SNTG1: variants seen among roughly 807,000 people sequenced by gnomAD.
SNTG1 encodes the protein gamma-1-syntrophin.
SNTG1 carries 39 observed loss-of-function variants against 74.7 expected under a neutral mutation model. The observed-to-expected ratio is 0.52, with a 90% CI of 0.40 to 0.68. The LOEUF is 0.68. SNTG1 is among the 30% of genes least tolerant of loss of function. The pLI is 0.00. For synonymous variants in SNTG1, 254 were observed against 217.1 expected, an observed-to-expected ratio of 1.17 and a Z score of -1.49; for missense variants, 685 against 609.5, an observed-to-expected ratio of 1.12 and a Z score of -1.30.
chr8:50,703,276 A>AT (rs1007442998), intron 15 of SNTG1, among the ~76,000 whole-genome samples: 8 of 151,672 alleles, frequency 5.3e-5, no homozygotes, highest in South Asian at 4.2e-4. Flanking sequence ...TATTCTCTAC[A>AT]TTTTTTTTCT....
chr8:50,184,347 G>A (rs2083309324), intron 2 of SNTG1, among the ~76,000 whole-genome samples: 1 of 151,926 alleles, frequency 6.6e-6, no homozygotes. Context: ...TGTATTTTTA[G>A]TAGAGACAGG....
chr8:49,969,686 C>T lies in SNTG1; in HGVS notation c.-103+57455C>T, dbSNP rs559905007. Reference sequence around the variant, plus strand: ...TGCTCAGATTACAGGAGTGAGTCACCATGCCTCGCCATTCACTTAGTTTTT... The same window carrying T: ...TGCTCAGATTACAGGAGTGAGTCACTATGCCTCGCCATTCACTTAGTTTTT... On this transcript the variant is annotated intron_variant, in intron 1 of 18. Transcript: ENST00000642720. Among the ~76,000 whole-genome samples the T allele has an allele frequency of 6.6e-5, 10 of 152,108 alleles. No homozygotes were observed. The South Asian group carries it at 1.7e-3, about 25-fold the overall frequency.
At chr8:50,306,531 C>T (rs905771014) in intron 2 of SNTG1, among the ~76,000 whole-genome samples, 2 of 151,974 alleles carry the variant, frequency 1.3e-5, no homozygotes, top group African/African-American at 2.4e-5. Flanking sequence ...ATAAGTGTTC[C>T]TTTTTTACCA....
intron 8 of SNTG1, among the ~76,000 whole-genome samples, chr8:50,472,176 A>G (rs1303285678): frequency 6.6e-6 from 1 of 152,140 alleles, no homozygotes; most frequent in African/African-American, 2.4e-5. Context: ...TGTTTTTCTG[A>G]GAAATAGAAA....
At chr8:50,749,717 C>T (rs1427337698) in intron 17 of SNTG1, among the ~76,000 whole-genome samples, 28 of 151,968 alleles carry the variant, frequency 1.8e-4, no homozygotes, top group Admixed American at 1.8e-3. Context: ...AATATTAAAT[C>T]CTGAGGAACA....
chr8:50,572,814 G>A (rs2094556592), intron 12 of SNTG1, among the ~76,000 whole-genome samples: 1 of 152,032 alleles, frequency 6.6e-6, no homozygotes, highest in Admixed American at 6.6e-5. Context: ...ATCTCTCTAG[G>A]TTCTAACACA....
chr8:50,464,014 A>G (rs2093588895), intron 8 of SNTG1, among the ~76,000 whole-genome samples: 1 of 152,110 alleles, frequency 6.6e-6, no homozygotes. Context: ...CTTTCCTTAA[A>G]CCTCATGAAC....
intron 1 of SNTG1, among the ~76,000 whole-genome samples, chr8:50,055,774 T>C (rs974867394): frequency 4.6e-5 from 7 of 152,162 alleles, no homozygotes; most frequent in African/African-American, 1.7e-4. Context: ...CATTCTTTTT[T>C]TCTCTCATTA....
chr8:50,276,312 T>C (rs2088099950), intron 2 of SNTG1, among the ~76,000 whole-genome samples: 2 of 151,724 alleles, frequency 1.3e-5, no homozygotes, highest in Middle Eastern at 3.5e-3. Context: ...CTGTGACTTA[T>C]TCTAAATTCG....
chr8:50,538,598 CT>C (rs1209907459), intron 11 of SNTG1, among the ~76,000 whole-genome samples: 2 of 152,082 alleles, frequency 1.3e-5, no homozygotes, highest in South Asian at 2.1e-4. Flanking sequence ...GCTTTCAAGA[CT>C]TTTTTTTCTT....
chr8:50,077,885 T>TA (rs1229252756), intron 1 of SNTG1, among the ~76,000 whole-genome samples: 2 of 152,188 alleles, frequency 1.3e-5, no homozygotes, highest in Non-Finnish European at 2.9e-5. Context: ...TTCCAACTCT[T>TA]ACCTTTAGGT....
At chr8:49,979,082 C>A (rs1467776157) in intron 1 of SNTG1, among the ~76,000 whole-genome samples, 1 of 152,208 alleles carries the variant, frequency 6.6e-6, no homozygotes, top group Non-Finnish European at 1.5e-5. Flanking sequence ...CATTAAAAGC[C>A]TTCACGCTGT....
intron 1 of SNTG1, among the ~76,000 whole-genome samples, chr8:50,049,369 A>C (rs1170250872): frequency 6.6e-6 from 1 of 152,156 alleles, no homozygotes; most frequent in Non-Finnish European, 1.5e-5. Flanking sequence ...AAGTAGCTAA[A>C]TTATATCAAA....
chr8:50,729,993 C>G (rs184665005), intron 17 of SNTG1, among the ~76,000 whole-genome samples: 1 of 151,802 alleles, frequency 6.6e-6, no homozygotes, highest in Non-Finnish European at 1.5e-5. Context: ...GGGAGCACCC[C>G]GTATTCACTA....
chr8:50,430,796 G>T (rs1000817041), intron 4 of SNTG1, among the ~76,000 whole-genome samples: 4 of 152,142 alleles, frequency 2.6e-5, no homozygotes, highest in Non-Finnish European at 5.9e-5. Flanking sequence ...AGAATGACAT[G>T]TTCTTACAAC....
intron 17 of SNTG1, among the ~76,000 whole-genome samples, chr8:50,723,672 T>G (rs558758475): frequency 3.7e-4 from 56 of 152,162 alleles, no homozygotes; most frequent in Non-Finnish European, 7.2e-4. Flanking sequence ...GTCCCCTGCA[T>G]GCCAGTAACT....
chr8:50,662,330 T>C (rs1001316819), intron 15 of SNTG1, among the ~76,000 whole-genome samples: 2 of 152,234 alleles, frequency 1.3e-5, no homozygotes, highest in African/African-American at 4.8e-5. Flanking sequence ...GATGTGTTCA[T>C]AATGAAGCTA....
intron 4 of SNTG1, among the ~76,000 whole-genome samples, chr8:50,430,971 C>A (rs1357124860): frequency 6.6e-6 from 1 of 152,126 alleles, no homozygotes. Context: ...TGTGCAGTTC[C>A]TTTAGCCTTT....
At chr8:50,553,252 T>C (rs2094437666) in intron 12 of SNTG1, 73 bp downstream of exon 12, 18 of 1,559,428 alleles carry the variant, frequency 1.2e-5, no homozygotes, top group Non-Finnish European at 1.4e-5. Context: ...TATATGTAAC[T>C]TCACATCAAC....
Sources: allele counts gnomAD v4.1 joint callset (sites outside exome capture counted in the v4.1 genomes callset), GRCh38; gene constraint gnomAD v4.1.1; transcripts MANE v1.5; gene names NCBI Gene and HGNC (gene_info 2026-07-23, HGNC 2026-07-21).